Variants in HOXC6 observed in about 807,000 individuals in gnomAD.
HOXC6 encodes homeobox protein Hox-C6.
HOXC6 carries 10 observed loss-of-function variants against 24.0 expected under a neutral mutation model. That is an observed-to-expected ratio of 0.42 (90% CI 0.26 to 0.71). The LOEUF (loss-of-function observed/expected upper bound fraction) is 0.71, where lower values mean the gene tolerates loss of function less well. Among genes scored for constraint, HOXC6 ranks in the 30% least tolerant of loss-of-function variants. The pLI is 0.28. For synonymous variants in HOXC6, 123 were observed against 128.1 expected, an observed-to-expected ratio of 0.96 and a Z score of 0.27; for missense variants, 258 against 303.4, an observed-to-expected ratio of 0.85 and a Z score of 1.11.
intron 1 of HOXC6, among the ~76,000 whole-genome samples, chr12:54,023,264 A>C (rs1042152558): frequency 1.3e-5 from 2 of 152,192 alleles, no homozygotes; most frequent in Admixed American, 1.3e-4. Context: ...TGGGGTAGAG[A>C]TGTTTGGGAC....
chr12:54,029,497 C>A (rs1382874523), intron 1 of HOXC6, 158 bp from the exon 2 acceptor site: 1 of 608,120 alleles, frequency 1.6e-6, no homozygotes, highest in South Asian at 2.3e-5. Flanking sequence ...GCTGTACCCC[C>A]AGTGGGGGTG....
chr12:54,026,124 AG>A (rs955743170), upstream of HOXC6, among the ~76,000 whole-genome samples: 3 of 152,054 alleles, frequency 2.0e-5, no homozygotes, highest in Non-Finnish European at 4.4e-5. Flanking sequence ...CTGAAATTGG[AG>A]GGGGGGACAG....
rs749261491 is a variant in HOXC6, at chr12:54,029,985, T to C, written c.*23T>C. ...TGACCAGGACTGTCCCTGCCACCCC[T>C]CTCTCCCTTTCTCCCTCGCTCCCCA... On this transcript the variant is annotated 3_prime_UTR_variant, in exon 2 of 2. Coordinates refer to ENST00000243108, the MANE Select transcript of HOXC6 (RefSeq NM_004503.4). 19 of 1,494,406 alleles carry C rather than the reference T, an allele frequency of 1.3e-5. No homozygotes were observed. The African/African-American group carries it at 2.7e-4, about 21-fold the overall frequency. The allele number at this position is 1,494,406 out of a possible 1,614,324, so 92.6% of individuals were successfully genotyped here.
At chr12:54,025,365 A>G (rs1940643933), upstream of HOXC6, among the ~76,000 whole-genome samples, 1 of 152,162 alleles carries the variant, frequency 6.6e-6, no homozygotes, top group Non-Finnish European at 1.5e-5. Flanking sequence ...TAAAATTAAC[A>G]TGAAATGGGA....
chr12:54,024,715 G>T (rs1940613769), upstream of HOXC6, among the ~76,000 whole-genome samples: 1 of 152,098 alleles, frequency 6.6e-6, no homozygotes, highest in South Asian at 2.1e-4. Context: ...CCTTTCCCTG[G>T]CCTAAAGGGG....
At chr12:54,027,175 C>T (rs1199454172), upstream of HOXC6, among the ~76,000 whole-genome samples, 1 of 152,244 alleles carries the variant, frequency 6.6e-6, no homozygotes, top group African/African-American at 2.4e-5. Flanking sequence ...TCGTAACCGT[C>T]TCTTCCCTTT....
At chr12:54,028,246 CATAT>C (rs147627891), upstream of HOXC6, 447 of 149,384 alleles carry the variant, frequency 3.0e-3, no homozygotes, top group African/African-American at 0.012. Flanking sequence ...AGTTCCCTTA[CATAT>C]ATATATATAT....
intron 1 of HOXC6, among the ~76,000 whole-genome samples, chr12:54,018,342 G>A (rs1222164469): frequency 6.6e-6 from 1 of 152,190 alleles, no homozygotes; most frequent in African/African-American, 2.4e-5. Flanking sequence ...GACCTGCCTC[G>A]CCTCGGGGGG....
At chr12:54,028,297 C>CA (rs1276549552), upstream of HOXC6, 1 of 389,826 alleles carries the variant, frequency 2.6e-6, no homozygotes, top group Non-Finnish European at 4.6e-6. Context: ...GTCTTACTTT[C>CA]AAAGCACACA....
chr12:54,018,105 C>T (rs1193978855), intron 1 of HOXC6, among the ~76,000 whole-genome samples: 2 of 148,856 alleles, frequency 1.3e-5, no homozygotes, highest in African/African-American at 5.0e-5. Context: ...CGCCCCCACT[C>T]GGGCGGATGG....
chr12:54,028,619 C>G lies in HOXC6; in HGVS notation c.98C>G (p.Pro33Arg), dbSNP rs1379626931. 9 of 1,614,044 alleles carry G rather than the reference C, an allele frequency of 5.6e-6. No homozygotes were observed. The Admixed American group carries it at 8.3e-5, about 15-fold the overall frequency. Residue 33 changes from proline (P) to arginine (R), a missense_variant, in exon 1 of 2, where the codon CCA (proline) becomes CGA (arginine). Physicochemically the swap from Pro to Arg is moderately radical, Grantham distance 103. Coordinates refer to ENST00000243108, the MANE Select transcript of HOXC6 (RefSeq NM_004503.4). Reference sequence around the variant, plus strand: ...GCCCTCAATTCCACCGCCTATGATCCAGTGAGGCATTTCTCGACCTATGGA... The same window carrying G: ...GCCCTCAATTCCACCGCCTATGATCGAGTGAGGCATTTCTCGACCTATGGA... ...NVALNSTAYD[P>R]VRHFSTYGAA...
In HOXC6 at chr12:54,029,980, A is replaced by AC; in HGVS notation, c.*22dup. ...AAGAGTGACCAGGACTGTCCCTGCC[A>AC]CCCCTCTCTCCCTTTCTCCCTCGCT... is the stretch of plus-strand genomic sequence containing the variant. On this transcript the variant is annotated 3_prime_UTR_variant, in exon 2 of 2. Transcript: ENST00000243108. The AC allele has an allele frequency of 6.6e-7, 1 of 1,512,100 alleles. No homozygotes were observed. The highest frequency in any genetic ancestry group is 8.9e-7 in the Non-Finnish European group (1 of 1,128,390). The allele number at this position is 1,512,100 out of a possible 1,614,324, so 93.7% of individuals were successfully genotyped here.
chr12:54,030,226 G>C lies in HOXC6; in HGVS notation c.*264G>C. On this transcript the variant is annotated 3_prime_UTR_variant, in exon 2 of 2. Transcript: ENST00000243108. ...TCTACAGGCCCTTTTCCCCGTCCAGGCCTTGGGGGCTCGGACCCTGAACTC... is the reference window on the plus strand; with the variant it reads ...TCTACAGGCCCTTTTCCCCGTCCAGCCCTTGGGGGCTCGGACCCTGAACTC... 1 of 347,436 alleles carries C rather than the reference G, an allele frequency of 2.9e-6. No homozygotes were observed. Among genetic ancestry groups the C allele is most frequent in the Non-Finnish European group, 5.3e-6 (1 of 189,930 alleles). 21.5% of individuals were successfully genotyped at this position (347,436 alleles called of 1,614,324 possible).
At chr12:54,026,881 A>C (rs1290342249), upstream of HOXC6, among the ~76,000 whole-genome samples, 3 of 152,060 alleles carry the variant, frequency 2.0e-5, no homozygotes, top group African/African-American at 7.2e-5. Flanking sequence ...TTTGTTACAC[A>C]GAAGGAAAAG....
At chr12:54,021,528 A>G (rs1940436966) in intron 1 of HOXC6, 1 of 152,204 alleles carries the variant, frequency 6.6e-6, no homozygotes, top group African/African-American at 2.4e-5. Context: ...GGAAAACCCC[A>G]TAAAAGAAAG....
chr12:54,027,013 AC>A (rs1940747732), upstream of HOXC6, among the ~76,000 whole-genome samples: 1 of 137,358 alleles, frequency 7.3e-6, no homozygotes, highest in South Asian at 2.3e-4. Context: ...ACTCCCCACC[AC>A]CCTTCTTTGT....
Position 54,028,481 on chromosome 12 carries a change from A to G in HOXC6, c.-41A>G, listed in dbSNP as rs1198927249. ...GAGTACAAACTGGAGACAGAAATAA[A>G]TATTAAAGAAATCATAGACCGACCA... On this transcript the variant is annotated 5_prime_UTR_variant, in exon 1 of 2. Coordinates refer to ENST00000243108, the MANE Select transcript of HOXC6 (RefSeq NM_004503.4). 6.3e-7 allele frequency: 1 copy of G among 1,585,952 alleles called. No individual in the cohort carries two copies. The highest frequency in any genetic ancestry group is 1.2e-5 in the South Asian group (1 of 86,528).
Position 54,030,122 on chromosome 12 carries a change from A to C in HOXC6, c.*160A>C. On this transcript the variant is annotated 3_prime_UTR_variant, in exon 2 of 2. Coordinates refer to ENST00000243108, the MANE Select transcript of HOXC6 (RefSeq NM_004503.4). ...ACGTGGACCTGAAAGTCAGCTCTGG[A>C]CCCCCTCCCTCACCGCACAACTCTC... 7 of 642,494 alleles carry C rather than the reference A, an allele frequency of 1.1e-5. No individual in the cohort carries two copies. The highest frequency in any genetic ancestry group is 2.6e-4 in the Middle Eastern group (1 of 3,808). 39.8% of individuals were successfully genotyped at this position (642,494 alleles called of 1,614,324 possible). A position where few individuals can be genotyped will look rare whatever the true frequency, so the allele number is the denominator to read the frequency against.
chr12:54,019,326 G>A lies in HOXC6; in HGVS notation c.-193+1912G>A, dbSNP rs991245269. ...TGCTCAGGCTGCCGCGCGCTCTCCC[G>A]CCGCTCAGGCACGGCCCAGTGGCTG... On this transcript the variant is annotated intron_variant, in intron 1 of 2. Coordinates refer to the HOXC6 transcript ENST00000394331. 4.6e-5 allele frequency among the ~76,000 whole-genome samples: 7 copies of A among 152,296 alleles called. No homozygotes were observed. In the South Asian group the frequency reaches 1.5e-3, roughly 32 times the overall value.
Sources: gnomAD v4.1 joint callset for allele counts (sites outside exome capture counted in the v4.1 genomes callset) on GRCh38, gnomAD v4.1.1 for gene constraint, MANE v1.5 for transcripts, NCBI Gene and HGNC (gene_info 2026-07-23, HGNC 2026-07-21) for gene names.